The following CLDN10 variants were observed in gnomAD, a reference collection of about 807,000 sequenced individuals.
The protein encoded by CLDN10 is claudin 10.
CLDN10 carries 15 observed loss-of-function variants against 22.9 expected under a neutral mutation model. The ratio of observed to expected loss-of-function variants is 0.65; its 90% CI spans 0.44 to 1.01. The LOEUF is 1.01. Ranked by LOEUF, CLDN10 falls within the 50% of genes least tolerant of loss-of-function variation. The probability of loss-of-function intolerance (pLI) is 0.00; values close to 1 mark genes in which losing one functional copy is unlikely to be tolerated. For synonymous variants in CLDN10, 114 were observed against 111.4 expected, an observed-to-expected ratio of 1.02 and a Z score of -0.15; for missense variants, 247 against 287.8, an observed-to-expected ratio of 0.86 and a Z score of 1.03.
intron 1 of CLDN10, among the ~76,000 whole-genome samples, chr13:95,493,635 C>G (rs1407800920): frequency 6.6e-6 from 1 of 151,596 alleles, no homozygotes; most frequent in African/African-American, 2.4e-5. Flanking sequence ...CTTGGCTCCA[C>G]TGCAACCTCC....
rs1347538481 is a variant in CLDN10, at chr13:95,451,881, G to GA, written c.214+17836dup. On this transcript the variant is annotated intron_variant, in intron 1 of 4. Coordinates refer to the CLDN10 transcript ENST00000376873. ...CTTGGTGCCGTTAGCAAGTCTATTG[G>GA]AATGGTTATCAGCCCAACTTCAACC... is the stretch of plus-strand genomic sequence containing the variant. 2.6e-5 allele frequency among the ~76,000 whole-genome samples: 4 copies of GA among 152,284 alleles called. No homozygotes were observed. The South Asian group carries it at 8.3e-4, about 32-fold the overall frequency.
intron 1 of CLDN10, among the ~76,000 whole-genome samples, chr13:95,554,199 T>C (rs1240798554): frequency 6.6e-6 from 1 of 152,172 alleles, no homozygotes; most frequent in Non-Finnish European, 1.5e-5. Flanking sequence ...ACAGTGTTTA[T>C]TCCCCAGCAT....
At chr13:95,452,201 C>T (rs560521295) in intron 1 of CLDN10, among the ~76,000 whole-genome samples, 1 of 152,098 alleles carries the variant, frequency 6.6e-6, no homozygotes. Flanking sequence ...CTAATTTTCT[C>T]GCTGCTCACG....
chr13:95,515,180 TTTG>T (rs146017884), intron 1 of CLDN10, among the ~76,000 whole-genome samples: 84,272 of 150,518 alleles, frequency 0.56, 24,460 homozygotes, highest in Admixed American at 0.63. Flanking sequence ...GCTAATTACG[TTTG>T]TTGTTGTTGT....
intron 1 of CLDN10, among the ~76,000 whole-genome samples, chr13:95,478,297 G>A (rs988220907): frequency 3.9e-5 from 6 of 152,128 alleles, no homozygotes; most frequent in African/African-American, 1.4e-4. Flanking sequence ...AACAGAGTGA[G>A]ACTCTGTCTC....
At chr13:95,450,511 G>A (rs780948163) in intron 1 of CLDN10, among the ~76,000 whole-genome samples, 1 of 152,176 alleles carries the variant, frequency 6.6e-6, no homozygotes, top group Non-Finnish European at 1.5e-5. Flanking sequence ...GCTGATCCCA[G>A]GCTTTCGCCA....
intron 1 of CLDN10, among the ~76,000 whole-genome samples, chr13:95,528,182 G>A (rs2043304645): frequency 6.6e-6 from 1 of 152,178 alleles, no homozygotes; most frequent in Admixed American, 6.5e-5. Flanking sequence ...ATGCCCACGT[G>A]TTGTGGGAGG....
chr13:95,561,645 C>A (rs1203965176), intron 3 of CLDN10, among the ~76,000 whole-genome samples: 1 of 152,092 alleles, frequency 6.6e-6, no homozygotes, highest in Non-Finnish European at 1.5e-5. Context: ...GGGATTCAAA[C>A]CAGGCAGTTG....
intron 1 of CLDN10, among the ~76,000 whole-genome samples, chr13:95,455,447 C>G (rs554381583): frequency 6.6e-6 from 1 of 152,268 alleles, no homozygotes; most frequent in South Asian, 2.1e-4. Context: ...CTTAAACTGT[C>G]TAATGGCAAA....
At chr13:95,484,136 TGGTA>T (rs1225279430) in intron 1 of CLDN10, among the ~76,000 whole-genome samples, 1 of 152,202 alleles carries the variant, frequency 6.6e-6, no homozygotes, top group Non-Finnish European at 1.5e-5. Flanking sequence ...ACTTAGTCTC[TGGTA>T]GGATAGCAGC....
intron 1 of CLDN10, among the ~76,000 whole-genome samples, chr13:95,472,251 A>C (rs148019885): frequency 6.6e-6 from 1 of 152,172 alleles, no homozygotes; most frequent in African/African-American, 2.4e-5. Flanking sequence ...CAGCCCTCCC[A>C]CTACAGAGCT....
At chr13:95,560,347 A>G in intron 2 of CLDN10, 35 bp from the exon 3 acceptor site, 4 of 1,612,878 alleles carry the variant, frequency 2.5e-6, no homozygotes, top group African/African-American at 1.3e-5. Context: ...ATGAAATCAC[A>G]CTAACCATAG....
chr13:95,482,653 C>T (rs1208764164), intron 1 of CLDN10, among the ~76,000 whole-genome samples: 1 of 152,156 alleles, frequency 6.6e-6, no homozygotes, highest in African/African-American at 2.4e-5. Flanking sequence ...GTTTTATTCT[C>T]ATGATGTACT....
intron 3 of CLDN10, 136 bp from the exon 4 acceptor site, chr13:95,577,095 G>A (rs569728685): frequency 1.6e-6 from 1 of 632,736 alleles, no homozygotes; most frequent in African/African-American, 1.8e-5. Context: ...ACAGACACAA[G>A]GTGTTATTAT....
upstream of CLDN10, among the ~76,000 whole-genome samples, chr13:95,550,552 T>A (rs1297476156): frequency 1.3e-5 from 2 of 152,234 alleles, no homozygotes; most frequent in African/African-American, 4.8e-5. Context: ...TTGTGTAATT[T>A]GTAATTTTAG....
intron 1 of CLDN10, among the ~76,000 whole-genome samples, chr13:95,529,077 G>A (rs889923899): frequency 6.6e-6 from 1 of 151,934 alleles, no homozygotes; most frequent in African/African-American, 2.4e-5. Flanking sequence ...AACTGGTGGG[G>A]TCAGTAAGAT....
chr13:95,437,985 T>A (rs1341287056), intron 1 of CLDN10, among the ~76,000 whole-genome samples: 1 of 152,224 alleles, frequency 6.6e-6, no homozygotes, highest in Non-Finnish European at 1.5e-5. Context: ...CCCAAAGAAT[T>A]ATAGCCATAA....
At chr13:95,470,929 C>T (rs577092467) in intron 1 of CLDN10, among the ~76,000 whole-genome samples, 1 of 152,118 alleles carries the variant, frequency 6.6e-6, no homozygotes, top group Non-Finnish European at 1.5e-5. Context: ...AATGCATGAG[C>T]CCCTACTGCG....
chr13:95,579,375 T>C lies in CLDN10; in HGVS notation c.*1361T>C, dbSNP rs1566350484. 1 of 152,246 alleles carries C rather than the reference T, an allele frequency of 6.6e-6. No individual in the cohort carries two copies. The highest frequency in any genetic ancestry group is 2.4e-5 in the African/African-American group (1 of 41,466). The allele number at this position is 152,246 out of a possible 1,614,324, so 9.4% of individuals were successfully genotyped here. A position where few individuals can be genotyped will look rare whatever the true frequency, so the allele number is the denominator to read the frequency against. ...CCCACAAGGGCAACAGTTATCACAG[T>C]TCATACACACCTTTCATGTCCTGTC... On this transcript the variant is annotated 3_prime_UTR_variant, in exon 5 of 5. Coordinates refer to ENST00000299339, the MANE Select transcript of CLDN10 (RefSeq NM_006984.5).
Sources: gnomAD v4.1 joint callset for allele counts (sites outside exome capture counted in the v4.1 genomes callset) on GRCh38, gnomAD v4.1.1 for gene constraint, MANE v1.5 for transcripts, NCBI Gene and HGNC (gene_info 2026-07-23, HGNC 2026-07-21) for gene names.